Variants in TNFSF8 observed in about 807,000 individuals in gnomAD.
TNFSF8 encodes the protein TNF superfamily member 8.
Under a neutral mutation model 22.0 loss-of-function variants are expected in TNFSF8, and 4 were observed. That is an observed-to-expected ratio of 0.18 (90% CI 0.09 to 0.42). The LOEUF (loss-of-function observed/expected upper bound fraction) is 0.42, where lower values mean the gene tolerates loss of function less well. TNFSF8 is among the 10% of genes least tolerant of loss of function. The pLI, the probability that TNFSF8 is intolerant of heterozygous loss-of-function variation, is 1.00. For missense variants in TNFSF8, 233 were observed against 281.8 expected (o/e 0.83, Z 1.24); for synonymous variants, 106 against 112.5 (o/e 0.94, Z 0.37).
Position 114,929,977 on chromosome 9 carries a change from T to TAG in TNFSF8, c.195+130_195+131dup, listed in dbSNP as rs68180247. ...ATATACTATAGTATATATATATATA[T>TAG]AGAGAGAGAGAGTTTATTTATTTAA... is the stretch of plus-strand genomic sequence containing the variant. On this transcript the variant is annotated intron_variant, in intron 1 of 3. Transcript: ENST00000223795. The TAG allele has an allele frequency of 4.0e-3, 1,285 of 323,696 alleles. 8 individuals are homozygous for TAG. Among genetic ancestry groups the TAG allele is most frequent in the South Asian group, 0.012 (159 of 13,278 alleles). The allele number at this position is 323,696 out of a possible 1,614,324, so 20.1% of individuals were successfully genotyped here.
At chr9:114,900,574 T>C (rs112527628), downstream of TNFSF8, among the ~76,000 whole-genome samples, 31 of 152,308 alleles carry the variant, frequency 2.0e-4, no homozygotes, top group African/African-American at 7.2e-4. Flanking sequence ...ATTTGGAGGT[T>C]TCCTCTGCTC....
chr9:114,929,493 T>C (rs1828108613), intron 1 of TNFSF8, among the ~76,000 whole-genome samples: 1 of 152,066 alleles, frequency 6.6e-6, no homozygotes, highest in African/African-American at 2.4e-5. Flanking sequence ...TCGCCTCCTT[T>C]CCTTCTAGAC....
At chr9:114,923,735 C>G (rs1410669039) in intron 1 of TNFSF8, among the ~76,000 whole-genome samples, 2 of 151,926 alleles carry the variant, frequency 1.3e-5, no homozygotes, top group Admixed American at 6.6e-5. Context: ...CCAGCCTGGT[C>G]TTGAAATCCT....
Position 114,894,166 on chromosome 9 carries a change from T to G in TNFSF8, c.410-2A>C. On this transcript the variant is annotated splice_acceptor_variant, in intron 4 of 4. Transcript: ENST00000618336. LOFTEE classifies it high-confidence loss of function. ...GGTGGAGGATCATGCCACAGTAATC[T>G]GGAAGAAAGAATAACTTTACTTTGT... The G allele has an allele frequency of 6.5e-7, 1 of 1,533,922 alleles. No homozygotes were observed. Among genetic ancestry groups the G allele is most frequent in the Non-Finnish European group, 8.7e-7 (1 of 1,145,402 alleles).
intron 1 of TNFSF8, among the ~76,000 whole-genome samples, chr9:114,926,701 A>T (rs1828065070): frequency 6.6e-6 from 1 of 152,110 alleles, no homozygotes; most frequent in African/African-American, 2.4e-5. Flanking sequence ...TGGGTTTATT[A>T]TAATGACCCA....
intron 1 of TNFSF8, among the ~76,000 whole-genome samples, chr9:114,923,478 T>TTTTC (rs71375260): frequency 0.075 from 7,866 of 105,224 alleles, 549 homozygotes; most frequent in East Asian, 0.14. Flanking sequence ...TTTTCTTTCT[T>TTTTC]TTTCTTTCTT....
chr9:114,894,588 C>G (rs917858130), intron 4 of TNFSF8, among the ~76,000 whole-genome samples: 3 of 152,118 alleles, frequency 2.0e-5, no homozygotes, highest in Admixed American at 2.0e-4. Flanking sequence ...CATACTTAAG[C>G]ATTTCTTCGA....
chr9:114,920,525 G>T (rs1428433878), intron 1 of TNFSF8, among the ~76,000 whole-genome samples: 1 of 152,198 alleles, frequency 6.6e-6, no homozygotes, highest in African/African-American at 2.4e-5. Flanking sequence ...AATTAGAATT[G>T]CAGGTTGTGG....
At chr9:114,898,147 C>T (rs183152228), downstream of TNFSF8, among the ~76,000 whole-genome samples, 16 of 145,308 alleles carry the variant, frequency 1.1e-4, no homozygotes, top group Admixed American at 2.1e-4. Context: ...TGATTACAGG[C>T]GCACACCACC....
At chr9:114,897,975 C>G (rs900947476), downstream of TNFSF8, among the ~76,000 whole-genome samples, 1 of 151,418 alleles carries the variant, frequency 6.6e-6, no homozygotes, top group Non-Finnish European at 1.5e-5. Flanking sequence ...CTCTCAATGT[C>G]CTTATATAAA....
At chr9:114,919,702 A>T (rs1827963789) in intron 1 of TNFSF8, among the ~76,000 whole-genome samples, 1 of 152,226 alleles carries the variant, frequency 6.6e-6, no homozygotes, top group African/African-American at 2.4e-5. Context: ...CCAAAGCAAG[A>T]AATTAGCAGC....
chr9:114,910,033 A>G (rs145859613), intron 2 of TNFSF8, among the ~76,000 whole-genome samples: 1 of 152,332 alleles, frequency 6.6e-6, no homozygotes, highest in East Asian at 1.9e-4. Flanking sequence ...TCTGTAGGGC[A>G]GTCTATCTTT....
rs947888537 is a variant in TNFSF8 at position 114,902,051 on chromosome 9, C to T, written c.*1880G>A. Reference sequence around the variant, plus strand: ...TGTTTTGGTATAGCAGGGAAGCTTCCATCTTTTTTTACTGAAGCATAACAT... The same window carrying T: ...TGTTTTGGTATAGCAGGGAAGCTTCTATCTTTTTTTACTGAAGCATAACAT... On this transcript the variant is annotated 3_prime_UTR_variant, in exon 4 of 4. Transcript: ENST00000223795. 18 of 985,188 alleles carry T rather than the reference C, an allele frequency of 1.8e-5. No homozygotes were observed. Among genetic ancestry groups the T allele is most frequent in the Non-Finnish European group, 1.9e-5 (16 of 829,918 alleles). 61.0% of individuals were successfully genotyped at this position (985,188 alleles called of 1,614,324 possible).
chr9:114,898,420 G>A (rs764898924), downstream of TNFSF8, among the ~76,000 whole-genome samples: 16 of 152,162 alleles, frequency 1.1e-4, no homozygotes, highest in Non-Finnish European at 1.8e-4. Flanking sequence ...GAACAATCGG[G>A]AGATGCTATT....
At chr9:114,924,984 G>A (rs966883726) in intron 1 of TNFSF8, among the ~76,000 whole-genome samples, 6 of 152,184 alleles carry the variant, frequency 3.9e-5, no homozygotes, top group African/African-American at 1.4e-4. Flanking sequence ...CTTGGGTAGT[G>A]GGAAGTGTCA....
chr9:114,907,339 G>A (rs1359698856), intron 2 of TNFSF8, among the ~76,000 whole-genome samples: 1 of 152,148 alleles, frequency 6.6e-6, no homozygotes, highest in East Asian at 1.9e-4. Flanking sequence ...CCTCTGATCA[G>A]TGCTCTGGTC....
At position 114,902,886 on chromosome 9, in the gene TNFSF8, A is replaced by G. The variant is rs955714832; in HGVS notation, c.*1045T>C. On this transcript the variant is annotated 3_prime_UTR_variant, in exon 4 of 4. Coordinates refer to ENST00000223795, the MANE Select transcript of TNFSF8 (RefSeq NM_001244.4). ...TGTTGCCTTGGCAACCATTTTGTATACAAGTTTAATTTCTCATACCAGAAG... is the reference window on the plus strand; with the variant it reads ...TGTTGCCTTGGCAACCATTTTGTATGCAAGTTTAATTTCTCATACCAGAAG... 1 of 459,290 alleles carries G rather than the reference A, an allele frequency of 2.2e-6. No homozygotes were observed. The highest frequency in any genetic ancestry group is 2.9e-6 in the Non-Finnish European group (1 of 349,322). The allele number at this position is 459,290 out of a possible 1,614,324, so 28.5% of individuals were successfully genotyped here. A position where few individuals can be genotyped will look rare whatever the true frequency, so the allele number is the denominator to read the frequency against.
chr9:114,896,313 C>T (rs1473602155), downstream of TNFSF8, among the ~76,000 whole-genome samples: 2 of 152,160 alleles, frequency 1.3e-5, no homozygotes, highest in Non-Finnish European at 2.9e-5. Flanking sequence ...AAGATTTAAA[C>T]CACTGACTCT....
At chr9:114,899,674 C>T (rs1827695822), downstream of TNFSF8, among the ~76,000 whole-genome samples, 1 of 152,190 alleles carries the variant, frequency 6.6e-6, no homozygotes, top group Non-Finnish European at 1.5e-5. Flanking sequence ...AGTGGCTTGG[C>T]AGAGCTGTAG....
Sources: allele counts gnomAD v4.1 joint callset (sites outside exome capture counted in the v4.1 genomes callset), GRCh38; gene constraint gnomAD v4.1.1; transcripts MANE v1.5; gene names NCBI Gene and HGNC (gene_info 2026-07-23, HGNC 2026-07-21).